The following PHLDB3 variants were observed in gnomAD, a reference collection of about 807,000 sequenced individuals.
The protein encoded by PHLDB3 is pleckstrin homology-like domain family B member 3.
In PHLDB3, 86 loss-of-function variants were observed where a neutral mutation model predicts 85.7. The observed-to-expected ratio is 1.00, with a 90% CI of 0.84 to 1.20. PHLDB3 has a LOEUF of 1.20. PHLDB3 is among the 50% of genes most tolerant of loss of function. The probability of loss-of-function intolerance (pLI) is 0.00; values close to 1 mark genes in which losing one functional copy is unlikely to be tolerated. For missense variants in PHLDB3, 995 were observed against 873.0 expected (o/e 1.14, Z -1.76); for synonymous variants, 376 against 349.8 (o/e 1.07, Z -0.83).
chr19:43,478,028 T>A lies in PHLDB3; in HGVS notation c.1788+19A>T. On this transcript the variant is annotated intron_variant, in intron 15 of 15. Transcript: ENST00000292140. ...TGAGTCTCCAACTGGGAGGTCAGGG[T>A]GACATTGAGGGGCTTCACCTTGAAG... 1 of 1,595,630 alleles carries A rather than the reference T, an allele frequency of 6.3e-7. No individual in the cohort carries two copies. Among genetic ancestry groups the A allele is most frequent in the East Asian group, 2.2e-5 (1 of 44,730 alleles).
chr19:43,494,747 G>A lies in PHLDB3; in HGVS notation c.1104C>T (p.Ala368=). Residue 368 remains alanine, a synonymous_variant, in exon 9 of 16, where the codon GCC becomes GCT. Transcript: ENST00000292140. ...VLQDAVAHSA[A]TPTSSCLFSV... ...AAAAGAGGCAGGAAGAAGTAGGGGTGGCAGCGGAGTGGGCCACGGCATCCT... is the reference window on the plus strand; with the variant it reads ...AAAAGAGGCAGGAAGAAGTAGGGGTAGCAGCGGAGTGGGCCACGGCATCCT... 6.2e-7 allele frequency: 1 copy of A among 1,613,410 alleles called. No homozygotes were observed. The highest frequency in any genetic ancestry group is 8.5e-7 in the Non-Finnish European group (1 of 1,179,780).
intron 13 of PHLDB3, among the ~76,000 whole-genome samples, chr19:43,481,102 G>GGA (rs1007481028): frequency 3.3e-5 from 5 of 152,130 alleles, no homozygotes; most frequent in African/African-American, 1.2e-4. Flanking sequence ...TGGAGTAGGG[G>GGA]GAGAGGTTCT....
At position 43,475,521 on chromosome 19, in the gene PHLDB3, G is replaced by T; in HGVS notation, c.1812C>A (p.Phe604Leu). The change falls in exon 16 of 16, where the codon TTC becomes TTA. Residue 604 changes from phenylalanine to leucine, a missense_variant. Phe to Leu is a conservative substitution (Grantham distance 22). Transcript: ENST00000292140. ...AAAGGCGTTCGTAGGTTTTGACGCAGAAGGTCAGGCGGGGGTTGGGGCTCT... is the reference window on the plus strand; with the variant it reads ...AAAGGCGTTCGTAGGTTTTGACGCATAAGGTCAGGCGGGGGTTGGGGCTCT... ...AFKSPNPRLT[F>L]CVKTYERLFY... 6.2e-7 allele frequency: 1 copy of T among 1,613,978 alleles called. No homozygotes were observed. The highest frequency in any genetic ancestry group is 8.5e-7 in the Non-Finnish European group (1 of 1,179,884).
chr19:43,493,292 A>G (rs1408454888), intron 9 of PHLDB3, among the ~76,000 whole-genome samples: 1 of 149,056 alleles, frequency 6.7e-6, no homozygotes, highest in Non-Finnish European at 1.5e-5. Flanking sequence ...ATAAATAAAT[A>G]AATAAATAAA....
Position 43,502,364 on chromosome 19 carries a change from C to A in PHLDB3, c.214-81G>T, listed in dbSNP as rs73552561. The A allele has an allele frequency of 2.2e-6, 3 of 1,384,960 alleles. No homozygotes were observed. In the Admixed American group the frequency reaches 6.6e-5, roughly 30 times the overall value. The allele number at this position is 1,384,960 out of a possible 1,614,324, so 85.8% of individuals were successfully genotyped here. On this transcript the variant is annotated intron_variant, in intron 2 of 15. Coordinates refer to ENST00000292140, the MANE Select transcript of PHLDB3 (RefSeq NM_198850.4). ...AGTAGGTCTGGTCCCCACCCAACAT[C>A]ACCCTCTGCGGGTCTCAGTCCATCA... is the stretch of plus-strand genomic sequence containing the variant.
intron 10 of PHLDB3, 40 bp from the exon 11 acceptor site, chr19:43,486,910 C>G: frequency 6.7e-7 from 1 of 1,497,258 alleles, no homozygotes; most frequent in Non-Finnish European, 8.9e-7. Context: ...TGGATACACC[C>G]TGGCCTGAGC....
At position 43,501,784 on chromosome 19, in the gene PHLDB3, G is replaced by C; in HGVS notation, c.484C>G (p.Leu162Val). Residue 162 changes from leucine (L) to valine (V), a missense_variant, in exon 4 of 16, where the codon CTG (leucine) becomes GTG (valine). Leu to Val is a conservative substitution (Grantham distance 32). Coordinates refer to ENST00000292140, the MANE Select transcript of PHLDB3 (RefSeq NM_198850.4). ...TGCTCCGAGGCCGCCTGCTGCTCCAGCAGCTCCCGCAGCTGCTCCTCCTCC... is the reference window on the plus strand; with the variant it reads ...TGCTCCGAGGCCGCCTGCTGCTCCACCAGCTCCCGCAGCTGCTCCTCCTCC... ...RREEEQLREL[L>V]EQQAASEQRG... 6.3e-7 allele frequency: 1 copy of C among 1,584,990 alleles called. No individual in the cohort carries two copies. The highest frequency in any genetic ancestry group is 1.1e-5 in the South Asian group (1 of 86,972).
At chr19:43,485,511 TAA>T (rs1971135368) in intron 13 of PHLDB3, among the ~76,000 whole-genome samples, 1 of 147,104 alleles carries the variant, frequency 6.8e-6, no homozygotes, top group South Asian at 2.2e-4. Flanking sequence ...GCGCCCGGCC[TAA>T]AAAGTTTTTT....
chr19:43,477,990 G>T, intron 15 of PHLDB3, 57 bp downstream of exon 15: 3 of 1,420,872 alleles, frequency 2.1e-6, no homozygotes, highest in Non-Finnish European at 3.0e-6. Flanking sequence ...ATGAGATAAG[G>T]CCTGACTCCA....
At position 43,495,569 on chromosome 19, in the gene PHLDB3, G is replaced by A. The variant is rs1390387389; in HGVS notation, c.877C>T (p.Leu293=). Residue 293 remains leucine, a synonymous_variant, in exon 7 of 16, where the codon CTG becomes TTG. Transcript: ENST00000292140. ...IRVLEEQLKS[L]GEQMAAESRG... is the part of the protein sequence containing the mutation. ...CTCTCGGCTGCCATCTGCTCCCCCA[G>A]TGACTTGAGCTGCTCTTCCAGGACC... 6.2e-7 allele frequency: 1 copy of A among 1,610,672 alleles called. No individual in the cohort carries two copies. Among genetic ancestry groups the A allele is most frequent in the South Asian group, 1.1e-5 (1 of 90,312 alleles).
chr19:43,502,810 C>A (rs1439628405), intron 2 of PHLDB3, among the ~76,000 whole-genome samples: 1 of 151,998 alleles, frequency 6.6e-6, no homozygotes, highest in Non-Finnish European at 1.5e-5. Context: ...CCGTGACCAC[C>A]CAACCACACG....
chr19:43,489,963 C>T (rs746184799), intron 9 of PHLDB3, among the ~76,000 whole-genome samples: 20 of 149,234 alleles, frequency 1.3e-4, no homozygotes, highest in Non-Finnish European at 2.4e-4. Context: ...GCCGAGATCA[C>T]ACCACTGCAC....
intron 2 of PHLDB3, among the ~76,000 whole-genome samples, 172 bp from the exon 3 acceptor site, chr19:43,502,455 A>ATTTT (rs1971633258): frequency 1.0e-5 from 1 of 99,564 alleles, no homozygotes; most frequent in Non-Finnish European, 2.0e-5. Context: ...TTTCTTTCTT[A>ATTTT]TCTTTTTTTT....
At chr19:43,504,206 G>T in intron 1 of PHLDB3, 74 bp from the exon 2 acceptor site, 1 of 1,339,718 alleles carries the variant, frequency 7.5e-7, no homozygotes, top group Non-Finnish European at 9.9e-7. Context: ...GTCTGCTCCG[G>T]GGCGCGGAGA....
Position 43,481,169 on chromosome 19 carries a change from TTGAG to T in PHLDB3, c.1486-1580_1486-1577del, listed in dbSNP as rs1470948346. Among the ~76,000 whole-genome samples, 44 of 151,798 alleles carry T rather than the reference TTGAG, an allele frequency of 2.9e-4. No homozygotes were observed. In the East Asian group the frequency reaches 8.5e-3, roughly 29 times the overall value. Reference sequence around the variant, plus strand: ...ATGCTGCTGTTCCACCAGCCACACTTTGAGTGTCAAGGAGTTAGAAAACTGAAGC... The same window carrying T: ...ATGCTGCTGTTCCACCAGCCACACTTTGTCAAGGAGTTAGAAAACTGAAGC... On this transcript the variant is annotated intron_variant, in intron 13 of 15. Transcript: ENST00000292140.
intron 13 of PHLDB3, among the ~76,000 whole-genome samples, chr19:43,483,530 C>T (rs1025493267): frequency 5.3e-5 from 8 of 152,094 alleles, no homozygotes; most frequent in Non-Finnish European, 1.0e-4. Context: ...CCTCCCACCT[C>T]GGCCTCTCAA....
chr19:43,502,376 G>T, intron 2 of PHLDB3, 93 bp from the exon 3 acceptor site: 2 of 1,268,122 alleles, frequency 1.6e-6, no homozygotes, highest in Non-Finnish European at 2.1e-6. Context: ...CCCTCTGCGG[G>T]TCTCAGTCCA....
chr19:43,501,898 G>C, intron 3 of PHLDB3, 27 bp from the exon 4 acceptor site: 1 of 1,563,114 alleles, frequency 6.4e-7, no homozygotes, highest in South Asian at 1.2e-5. Context: ...AGGGCTGGGG[G>C]CTCGGACGCC....
rs780597000 is a variant in PHLDB3, at chr19:43,486,242, C to T, written c.1485+24G>A. 38 of 1,439,262 alleles carry T rather than the reference C, an allele frequency of 2.6e-5. No individual in the cohort carries two copies. In the East Asian group the frequency reaches 4.2e-4, roughly 16 times the overall value. 89.2% of individuals were successfully genotyped at this position (1,439,262 alleles called of 1,614,324 possible). On this transcript the variant is annotated intron_variant, in intron 13 of 15. Coordinates refer to ENST00000292140, the MANE Select transcript of PHLDB3 (RefSeq NM_198850.4). The stretch of plus-strand genomic sequence containing the variant: ...GAGAAACAGAGCAGGGAGAGGTGGG[C>T]GTGAGGGCGGGGGTGGGACTGACCG...
Sources: gnomAD v4.1 joint callset for allele counts (sites outside exome capture counted in the v4.1 genomes callset) on GRCh38, gnomAD v4.1.1 for gene constraint, MANE v1.5 for transcripts, NCBI Gene and HGNC (gene_info 2026-07-23, HGNC 2026-07-21) for gene names.